The following NKAIN2 variants were observed in gnomAD, a reference collection of about 807,000 sequenced individuals.
The protein encoded by NKAIN2 is sodium/potassium transporting ATPase interacting 2, also known as sodium/potassium-transporting ATPase subunit beta-1-interacting protein 2.
Under a neutral mutation model 32.6 loss-of-function variants are expected in NKAIN2, and 14 were observed. The ratio of observed to expected loss-of-function variants is 0.43; its 90% confidence interval spans 0.28 to 0.67. The LOEUF (loss-of-function observed/expected upper bound fraction) is 0.67. Ranked by LOEUF, NKAIN2 falls within the 30% of genes least tolerant of loss-of-function variation. The pLI, the probability that NKAIN2 is intolerant of heterozygous loss-of-function variation, is 0.17. For synonymous variants in NKAIN2, 80 were observed against 87.2 expected (o/e 0.92, Z 0.46); for missense variants, 198 against 258.3 (o/e 0.77, Z 1.60).
chr6:124,529,948 G>A (rs536302834), intron 3 of NKAIN2, among the ~76,000 whole-genome samples: 3 of 152,250 alleles, frequency 2.0e-5, no homozygotes, highest in Admixed American at 6.5e-5. Flanking sequence ...TGGTCATGAC[G>A]GAGGTAATTA....
chr6:124,679,200 T>C (rs1773504882), intron 4 of NKAIN2, among the ~76,000 whole-genome samples: 1 of 152,158 alleles, frequency 6.6e-6, no homozygotes, highest in Non-Finnish European at 1.5e-5. Context: ...TTCCCTCCCC[T>C]GGAAGAAGCC....
At position 124,340,902 on chromosome 6, in the gene NKAIN2, G is replaced by A. The variant is rs1798085789; in HGVS notation, c.193-14365G>A. Among the ~76,000 whole-genome samples, 4 of 152,078 alleles carry A rather than the reference G, an allele frequency of 2.6e-5. No individual in the cohort carries two copies. In the South Asian group the frequency reaches 8.3e-4, roughly 31 times the overall value. ...AAGGCAAGCAATTAATCATATACAGGTGTTTTCATGCTGAATGAGTATTAT... is the reference window on the plus strand; with the variant it reads ...AAGGCAAGCAATTAATCATATACAGATGTTTTCATGCTGAATGAGTATTAT... On this transcript the variant is annotated intron_variant, in intron 2 of 6. Coordinates refer to ENST00000368417, the MANE Select transcript of NKAIN2 (RefSeq NM_001040214.3).
intron 3 of NKAIN2, among the ~76,000 whole-genome samples, chr6:124,480,607 T>G (rs1032217115): frequency 5.9e-5 from 9 of 151,620 alleles, no homozygotes; most frequent in African/African-American, 2.2e-4. Context: ...ATTATTATTA[T>G]TATTATTATT....
intron 1 of NKAIN2, among the ~76,000 whole-genome samples, chr6:123,924,574 T>A (rs1369771070): frequency 6.6e-6 from 1 of 152,158 alleles, no homozygotes; most frequent in Non-Finnish European, 1.5e-5. Context: ...CCCATGGACT[T>A]ATTTTTTACT....
At chr6:124,355,416 G>A in intron 3 of NKAIN2, 69 bp downstream of exon 3, 2 of 835,638 alleles carry the variant, frequency 2.4e-6, no homozygotes, top group South Asian at 2.8e-5. Flanking sequence ...GTAAGGCAGA[G>A]TCTCATCCTG....
At chr6:124,072,141 G>T (rs1783493959) in intron 1 of NKAIN2, among the ~76,000 whole-genome samples, 1 of 152,100 alleles carries the variant, frequency 6.6e-6, no homozygotes, top group Non-Finnish European at 1.5e-5. Context: ...ATACTATGCA[G>T]CCATTAAAAA....
intron 1 of NKAIN2, among the ~76,000 whole-genome samples, chr6:124,157,348 G>T (rs1342683165): frequency 1.3e-5 from 2 of 151,382 alleles, no homozygotes; most frequent in Admixed American, 6.6e-5. Flanking sequence ...ATATATTAAG[G>T]TTTTTTATGC....
chr6:123,997,289 C>G (rs950213787), intron 1 of NKAIN2, among the ~76,000 whole-genome samples: 1 of 152,178 alleles, frequency 6.6e-6, no homozygotes, highest in Admixed American at 6.5e-5. Flanking sequence ...TCTCTATAAA[C>G]ATGGCCAACT....
At chr6:124,268,498 A>G (rs1794604059) in intron 1 of NKAIN2, among the ~76,000 whole-genome samples, 2 of 152,148 alleles carry the variant, frequency 1.3e-5, no homozygotes, top group Middle Eastern at 3.2e-3. Context: ...GCACAGCAGC[A>G]ATGGAATATC....
chr6:124,737,200 TA>T (rs1164115308), intron 4 of NKAIN2, among the ~76,000 whole-genome samples: 6 of 151,870 alleles, frequency 4.0e-5, no homozygotes. Context: ...GTAGTTCTCA[TA>T]ATCCCCATGT....
At chr6:124,568,715 G>A (rs1781013158) in intron 3 of NKAIN2, among the ~76,000 whole-genome samples, 1 of 148,466 alleles carries the variant, frequency 6.7e-6, no homozygotes, top group Admixed American at 6.8e-5. Context: ...AGTGGTGAAA[G>A]AGGAATTCTA....
rs144926280 is a variant in NKAIN2 at position 124,543,070 on chromosome 6, T to TA, written c.274-115108dup. On this transcript the variant is annotated intron_variant, in intron 3 of 6. Coordinates refer to ENST00000368417, the MANE Select transcript of NKAIN2 (RefSeq NM_001040214.3). ...TGGCTGCTTGGTGAATATTAAATAA[T>TA]AAAAAAAATCAAAACACCACTATGA... is the stretch of plus-strand genomic sequence containing the variant. 7.5e-3 allele frequency among the ~76,000 whole-genome samples: 1,138 copies of TA among 152,080 alleles called. 8 individuals carry two copies. Among genetic ancestry groups the TA allele is most frequent in the African/African-American group, 0.026 (1,087 of 41,488 alleles).
intron 1 of NKAIN2, among the ~76,000 whole-genome samples, chr6:124,163,774 G>A (rs1015731469): frequency 2.0e-5 from 3 of 151,998 alleles, no homozygotes; most frequent in African/African-American, 7.2e-5. Context: ...AAACTGTGAG[G>A]GAAGATTAAA....
At chr6:123,991,643 A>T (rs1377205683) in intron 1 of NKAIN2, among the ~76,000 whole-genome samples, 1 of 152,126 alleles carries the variant, frequency 6.6e-6, no homozygotes, top group East Asian at 1.9e-4. Flanking sequence ...TGGGTGGATA[A>T]CAAGGTCAGG....
chr6:123,849,961 TG>T (rs63100460), intron 1 of NKAIN2, among the ~76,000 whole-genome samples: 11,762 of 92,950 alleles, frequency 0.13, 1,092 homozygotes, highest in Non-Finnish European at 0.16. Flanking sequence ...TTTTTTTTTT[TG>T]TTTGTTTGTT....
intron 1 of NKAIN2, among the ~76,000 whole-genome samples, chr6:123,949,078 T>A (rs977875098): frequency 2.0e-5 from 3 of 152,016 alleles, no homozygotes; most frequent in Non-Finnish European, 4.4e-5. Context: ...TATAAACACA[T>A]TGATTTATTT....
At chr6:124,276,096 C>T (rs1795018050) in intron 1 of NKAIN2, among the ~76,000 whole-genome samples, 2 of 152,006 alleles carry the variant, frequency 1.3e-5, no homozygotes, top group South Asian at 4.2e-4. Context: ...CAATTAGGGC[C>T]AAGTCTCTTT....
chr6:124,280,937 A>C (rs1795263854), intron 1 of NKAIN2, among the ~76,000 whole-genome samples: 1 of 152,224 alleles, frequency 6.6e-6, no homozygotes, highest in East Asian at 1.9e-4. Flanking sequence ...CAGTCTGCAC[A>C]AACTTGTAAG....
intron 3 of NKAIN2, among the ~76,000 whole-genome samples, chr6:124,446,713 G>A (rs987815591): frequency 6.6e-6 from 1 of 150,840 alleles, no homozygotes; most frequent in Non-Finnish European, 1.5e-5. Flanking sequence ...ATGGGAAATG[G>A]GGTCTCTATG....
Sources: gnomAD v4.1 joint callset for allele counts (sites outside exome capture counted in the v4.1 genomes callset) on GRCh38, gnomAD v4.1.1 for gene constraint, MANE v1.5 for transcripts, NCBI Gene and HGNC (gene_info 2026-07-23, HGNC 2026-07-21) for gene names.